PPP2CA: variants seen among roughly 807,000 people sequenced by gnomAD.
PPP2CA encodes protein phosphatase 2 catalytic subunit alpha, also known as serine/threonine-protein phosphatase 2A catalytic subunit alpha isoform.
In PPP2CA, 5 loss-of-function variants were observed where a neutral mutation model predicts 38.8. The observed-to-expected ratio is 0.13, with a 90% confidence interval of 0.07 to 0.27. The LOEUF (loss-of-function observed/expected upper bound fraction) is 0.27. PPP2CA is among the 10% of genes least tolerant of loss of function. The probability of loss-of-function intolerance (pLI) is 1.00; values close to 1 mark genes in which losing one functional copy is unlikely to be tolerated. For missense variants in PPP2CA, 88 were observed against 389.7 expected (o/e 0.23, Z 6.52); for synonymous variants, 152 against 134.0 (o/e 1.13, Z -0.93).
At chr5:134,211,550 C>T (rs1025256588) in intron 1 of PPP2CA, among the ~76,000 whole-genome samples, 2 of 148,848 alleles carry the variant, frequency 1.3e-5, no homozygotes, top group Non-Finnish European at 3.0e-5. Context: ...GATCTCGGTT[C>T]GCTGCAACCT....
At chr5:134,201,250 C>A (rs898954847) in intron 3 of PPP2CA, among the ~76,000 whole-genome samples, 176 bp from the exon 4 acceptor site, 1 of 152,158 alleles carries the variant, frequency 6.6e-6, no homozygotes, top group African/African-American at 2.4e-5. Flanking sequence ...TGTGTCTCTA[C>A]AAAAATTTTA....
chr5:134,203,693 G>A (rs1762015316), intron 2 of PPP2CA: 1 of 152,118 alleles, frequency 6.6e-6, no homozygotes, highest in Non-Finnish European at 1.5e-5. Context: ...GAATTTTGGG[G>A]GCTACAATTC....
chr5:134,206,172 T>A lies in PPP2CA; in HGVS notation c.103-41A>T, dbSNP rs1209388563. The A allele has an allele frequency of 4.6e-6, 7 of 1,508,142 alleles. No homozygotes were observed. In the African/African-American group the frequency reaches 8.3e-5, roughly 18 times the overall value. The allele number at this position is 1,508,142 out of a possible 1,614,324, so 93.4% of individuals were successfully genotyped here. On this transcript the variant is annotated intron_variant, in intron 1 of 6. Transcript: ENST00000481195. Reference sequence around the variant, plus strand: ...AAAAATAAGGCAATACATTTGGCATTAAACAATATTAACAAAGATTTGTTT... The same window carrying A: ...AAAAATAAGGCAATACATTTGGCATAAAACAATATTAACAAAGATTTGTTT...
chr5:134,222,884 C>A (rs934787009), intron 1 of PPP2CA, among the ~76,000 whole-genome samples: 3 of 152,134 alleles, frequency 2.0e-5, no homozygotes, highest in Non-Finnish European at 4.4e-5. Flanking sequence ...TCTTAAAATT[C>A]TTTTTAGCTA....
intron 1 of PPP2CA, 109 bp downstream of exon 1, chr5:134,225,651 C>CG (rs2149390267): frequency 3.1e-6 from 3 of 960,446 alleles, no homozygotes; most frequent in Non-Finnish European, 3.0e-6. Flanking sequence ...CTCGGAGACT[C>CG]GGGGGGCCCG....
intron 4 of PPP2CA, 55 bp from the exon 5 acceptor site, chr5:134,200,551 A>G: frequency 6.4e-7 from 1 of 1,569,298 alleles, no homozygotes; most frequent in Non-Finnish European, 8.7e-7. Flanking sequence ...TTAACACATT[A>G]TTTGAGTAAT....
chr5:134,199,304 T>TGC, intron 5 of PPP2CA, 100 bp from the exon 6 acceptor site: 1 of 837,674 alleles, frequency 1.2e-6, no homozygotes. Context: ...TTCCCACCCC[T>TGC]GCCAAAGGGG....
Position 134,220,456 on chromosome 5 carries a change from C to CAAAA in PPP2CA, c.102+5300_102+5303dup, listed in dbSNP as rs10649430. On this transcript the variant is annotated intron_variant, in intron 1 of 6. Transcript: ENST00000481195. ...CCTGGGCGACTGTGAGACTCTATCT[C>CAAAA]AAAAAAAAAAAAAAAAAAAAAAGCC... is the stretch of plus-strand genomic sequence containing the variant. Among the ~76,000 whole-genome samples, 55 of 54,034 alleles carry CAAAA rather than the reference C, an allele frequency of 1.0e-3. 6 individuals are homozygous for CAAAA. The highest frequency in any genetic ancestry group is 2.7e-3 in the South Asian group (2 of 752). 35.4% of individuals were successfully genotyped at this position (54,034 alleles called of 152,430 possible). A position where few individuals can be genotyped will look rare whatever the true frequency, so the allele number is the denominator to read the frequency against.
chr5:134,202,092 T>C (rs939043597), intron 2 of PPP2CA, 71 bp from the exon 3 acceptor site: 10 of 1,451,830 alleles, frequency 6.9e-6, no homozygotes, highest in Non-Finnish European at 9.2e-6. Flanking sequence ...AGAAACTTTC[T>C]ATAGAAAAAA....
chr5:134,212,819 T>C (rs1762229311), intron 1 of PPP2CA, among the ~76,000 whole-genome samples: 1 of 152,224 alleles, frequency 6.6e-6, no homozygotes, highest in South Asian at 2.1e-4. Flanking sequence ...TTTAGTGGTC[T>C]GGATAGATCA....
At chr5:134,214,472 T>C (rs1270706321) in intron 1 of PPP2CA, among the ~76,000 whole-genome samples, 2 of 152,208 alleles carry the variant, frequency 1.3e-5, no homozygotes, top group African/African-American at 4.8e-5. Context: ...ACTTTTTTTG[T>C]TTCATATGTA....
intron 2 of PPP2CA, chr5:134,205,569 G>T (rs1240682110): frequency 9.7e-6 from 2 of 206,510 alleles, no homozygotes; most frequent in Non-Finnish European, 2.0e-5. Flanking sequence ...TTTTAGTAGA[G>T]ATGGGGCTTC....
chr5:134,200,904 A>G (rs1761955739), intron 4 of PPP2CA, 81 bp downstream of exon 4: 2 of 1,127,546 alleles, frequency 1.8e-6, no homozygotes, highest in East Asian at 4.8e-5. Context: ...ATATGAGAGA[A>G]TACATCTAAT....
intron 4 of PPP2CA, 94 bp downstream of exon 4, chr5:134,200,891 A>G (rs879822855): frequency 3.7e-6 from 4 of 1,068,972 alleles, no homozygotes; most frequent in South Asian, 2.8e-5. Context: ...GTTTTTGAGA[A>G]TTATATGAGA....
chr5:134,216,799 T>C (rs1762329942), intron 1 of PPP2CA, among the ~76,000 whole-genome samples: 1 of 152,156 alleles, frequency 6.6e-6, no homozygotes, highest in Non-Finnish European at 1.5e-5. Flanking sequence ...CCACCATGCC[T>C]AGACAGAAAT....
At position 134,194,343 on chromosome 5, in the gene PPP2CA, A is replaced by G. The variant is rs935279106; in HGVS notation, c.*3429T>C. ...ATGTCAAAACAATGTGTGAGGACGAAGGCTTTAATGCAAAATAGCTTTAGC... is the reference window on the plus strand; with the variant it reads ...ATGTCAAAACAATGTGTGAGGACGAGGGCTTTAATGCAAAATAGCTTTAGC... On this transcript the variant is annotated 3_prime_UTR_variant, in exon 7 of 7. Transcript: ENST00000481195. The G allele has an allele frequency of 2.0e-5, 3 of 152,212 alleles. No individual in the cohort carries two copies. Among genetic ancestry groups the G allele is most frequent in the African/African-American group, 7.2e-5 (3 of 41,450 alleles). The allele number at this position is 152,212 out of a possible 1,614,324, so 9.4% of individuals were successfully genotyped here.
intron 1 of PPP2CA, among the ~76,000 whole-genome samples, chr5:134,215,096 ACT>A (rs1491440040): frequency 1.0e-5 from 1 of 96,632 alleles, no homozygotes; most frequent in African/African-American, 4.1e-5. Context: ...ATATTTATTT[ACT>A]TTTTTTTTTT....
intron 2 of PPP2CA, among the ~76,000 whole-genome samples, chr5:134,205,173 T>C (rs892987497): frequency 1.3e-5 from 2 of 152,072 alleles, no homozygotes; most frequent in Non-Finnish European, 2.9e-5. Context: ...ACTCAAGCAA[T>C]ATGCTCACTT....
chr5:134,213,036 T>A (rs1762235299), intron 1 of PPP2CA, among the ~76,000 whole-genome samples: 6 of 152,092 alleles, frequency 3.9e-5, no homozygotes, highest in Admixed American at 3.9e-4. Context: ...CTACAACAAG[T>A]TTCCCAGACG....
Sources: gnomAD v4.1 joint callset for allele counts (sites outside exome capture counted in the v4.1 genomes callset) on GRCh38, gnomAD v4.1.1 for gene constraint, MANE v1.5 for transcripts, NCBI Gene and HGNC (gene_info 2026-07-23, HGNC 2026-07-21) for gene names.